Variants in SNX29 observed in about 807,000 individuals in gnomAD.
SNX29 encodes sorting nexin 29.
SNX29 carries 78 observed loss-of-function variants against 102.1 expected under a neutral mutation model. The ratio of observed to expected loss-of-function variants is 0.76; its 90% CI spans 0.64 to 0.92. The LOEUF (loss-of-function observed/expected upper bound fraction) is 0.92. Ranked by LOEUF, SNX29 falls within the 40% of genes least tolerant of loss-of-function variation. The pLI, the probability that SNX29 is intolerant of heterozygous loss-of-function variation, is 0.00. For synonymous variants in SNX29, 580 were observed against 414.5 expected, an observed-to-expected ratio of 1.40 and a Z score of -4.85; for missense variants, 1,280 against 1,061.7, an observed-to-expected ratio of 1.21 and a Z score of -2.86.
At chr16:12,408,156 T>TAAA (rs2084244089) in intron 18 of SNX29, among the ~76,000 whole-genome samples, 1 of 74,518 alleles carries the variant, frequency 1.3e-5, no homozygotes, top group Admixed American at 1.2e-4. Context: ...AGGACCCTTC[T>TAAA]CAAAAAAACA....
chr16:12,534,767 C>T (rs1185205019), intron 20 of SNX29, among the ~76,000 whole-genome samples: 4 of 152,226 alleles, frequency 2.6e-5, no homozygotes, highest in Non-Finnish European at 4.4e-5. Flanking sequence ...CTTTCTGCGT[C>T]TACCCCTCTG....
chr16:12,572,231 C>G lies in SNX29; in HGVS notation c.*3602C>G, dbSNP rs770674364. ...TTAAAAACCAGAGGCTCCTGAAAGT[C>G]GTTTACACCAGGTGGATTGATACCA... is the stretch of plus-strand genomic sequence containing the variant. On this transcript the variant is annotated 3_prime_UTR_variant, in exon 21 of 21. Transcript: ENST00000566228. The G allele has an allele frequency of 1.5e-5, 15 of 1,023,034 alleles. No homozygotes were observed. In the African/African-American group the frequency reaches 1.8e-4, roughly 12 times the overall value. 63.4% of individuals were successfully genotyped at this position (1,023,034 alleles called of 1,614,324 possible).
intron 15 of SNX29, among the ~76,000 whole-genome samples, chr16:12,316,781 T>C (rs1567430947): frequency 6.6e-6 from 1 of 152,178 alleles, no homozygotes; most frequent in African/African-American, 2.4e-5. Flanking sequence ...TGGCTCTTTC[T>C]GCAGCCCTCC....
chr16:12,513,100 T>C (rs2089705548), intron 19 of SNX29, among the ~76,000 whole-genome samples: 1 of 151,898 alleles, frequency 6.6e-6, no homozygotes, highest in African/African-American at 2.4e-5. Flanking sequence ...TGCGTACCCC[T>C]TCCTCAGTTC....
intron 10 of SNX29, 45 bp downstream of exon 10, chr16:12,069,177 A>G: frequency 5.3e-6 from 8 of 1,508,458 alleles, no homozygotes; most frequent in African/African-American, 1.4e-5. Context: ...AAAACATCCT[A>G]TTCACAGCTG....
chr16:12,038,932 G>A (rs958632275), intron 4 of SNX29: 2 of 152,258 alleles, frequency 1.3e-5, no homozygotes, highest in African/African-American at 4.8e-5. Flanking sequence ...AGAATGGAAG[G>A]AAGGCTGTTT....
At chr16:12,500,659 C>G (rs1004622868) in intron 19 of SNX29, among the ~76,000 whole-genome samples, 2 of 152,240 alleles carry the variant, frequency 1.3e-5, no homozygotes, top group Non-Finnish European at 2.9e-5. Flanking sequence ...TATCTTACCA[C>G]TTAAAATGTG....
In SNX29 at chr16:12,043,058, GC is replaced by G. The variant is rs773092123; in HGVS notation, c.411del (p.Asp138ThrfsTer5). On this transcript the variant is annotated frameshift_variant, in exon 5 of 21. Coordinates refer to ENST00000566228, the MANE Select transcript of SNX29 (RefSeq NM_032167.5). LOFTEE classifies it high-confidence loss of function. ...GGAGCGCTACCTGCACATGCTCCTG[GC>G]CGACCGCTGCAGGCTGAGGTACGTG... ...SLERYLHMLL[A>X]DRCRLSTFYE... 6.2e-7 allele frequency: 1 copy of G among 1,613,272 alleles called. No homozygotes were observed. Among genetic ancestry groups the G allele is most frequent in the Non-Finnish European group, 8.5e-7 (1 of 1,179,834 alleles).
intron 18 of SNX29, among the ~76,000 whole-genome samples, chr16:12,458,875 C>T (rs1333674909): frequency 6.6e-6 from 1 of 152,226 alleles, no homozygotes; most frequent in Non-Finnish European, 1.5e-5. Context: ...ATCAGATTCT[C>T]TGTTGGTCTC....
chr16:12,558,574 G>A (rs988308080), intron 20 of SNX29, among the ~76,000 whole-genome samples: 1 of 152,194 alleles, frequency 6.6e-6, no homozygotes, highest in Non-Finnish European at 1.5e-5. Flanking sequence ...GTCCATGGTG[G>A]ATCCATACAC....
intron 14 of SNX29, among the ~76,000 whole-genome samples, chr16:12,232,957 A>C (rs958319794): frequency 1.3e-4 from 20 of 152,228 alleles, no homozygotes; most frequent in African/African-American, 4.8e-4. Context: ...TGTCCTCCCA[A>C]GCCCCAGCCT....
chr16:12,425,480 G>A (rs2085028805), intron 18 of SNX29, among the ~76,000 whole-genome samples: 2 of 141,718 alleles, frequency 1.4e-5, no homozygotes, highest in Admixed American at 1.5e-4. Flanking sequence ...TAATTCCATT[G>A]CACGCTGATT....
intron 19 of SNX29, among the ~76,000 whole-genome samples, chr16:12,509,078 G>T (rs975609098): frequency 6.6e-6 from 1 of 152,180 alleles, no homozygotes; most frequent in African/African-American, 2.4e-5. Context: ...AGACATTTCA[G>T]CCTGTGGCCT....
At chr16:12,512,832 A>G (rs1055848069) in intron 19 of SNX29, among the ~76,000 whole-genome samples, 4 of 152,156 alleles carry the variant, frequency 2.6e-5, no homozygotes, top group South Asian at 2.1e-4. Flanking sequence ...GACTCAATCA[A>G]TGCCTGGGGA....
At position 12,366,040 on chromosome 16, in the gene SNX29, CTCAAAAAAA is replaced by C. The variant is rs1203020297; in HGVS notation, c.1899+9762_1899+9770del. On this transcript the variant is annotated intron_variant, in intron 16 of 20. Transcript: ENST00000566228. ...CTGGGCGTCAGAGTGAGACTCTTGTCTCAAAAAAAAAAAAAAAAAAAAAAAAAAAATCAG... is the reference window on the plus strand; with the variant it reads ...CTGGGCGTCAGAGTGAGACTCTTGTCAAAAAAAAAAAAAAAAAAAAATCAG... 9.7e-3 allele frequency among the ~76,000 whole-genome samples: 235 copies of C among 24,230 alleles called. 2 individuals are homozygous for C. Among genetic ancestry groups the C allele is most frequent in the African/African-American group, 0.021 (221 of 10,770 alleles). 15.9% of individuals were successfully genotyped at this position (24,230 alleles called of 152,430 possible). A position where few individuals can be genotyped will look rare whatever the true frequency, so the allele number is the denominator to read the frequency against.
rs148721720 is a variant in SNX29, at chr16:12,452,423, G to A, written c.2038-25296G>A. Among the ~76,000 whole-genome samples, 43 of 22,980 alleles carry A rather than the reference G, an allele frequency of 1.9e-3. No homozygotes were observed. In the African/African-American group the frequency reaches 0.027, roughly 14 times the overall value. 15.1% of individuals were successfully genotyped at this position (22,980 alleles called of 152,430 possible). On this transcript the variant is annotated intron_variant, in intron 18 of 20. Transcript: ENST00000566228. Reference sequence around the variant, plus strand: ...TCAAATGGTAAGTGCTCTGTGCCAGGGACTGTGCTAAATGCAGAAAGTCAG... The same window carrying A: ...TCAAATGGTAAGTGCTCTGTGCCAGAGACTGTGCTAAATGCAGAAAGTCAG...
chr16:12,206,299 T>G lies in SNX29; in HGVS notation c.1678+6616T>G, dbSNP rs1567310762. 3.3e-5 allele frequency among the ~76,000 whole-genome samples: 5 copies of G among 151,886 alleles called. No homozygotes were observed. The South Asian group carries it at 1.0e-3, about 32-fold the overall frequency. ...GGGCTGCAACAATATCATGGGAAGT[T>G]TTTTCTTTCTTTCTTCAGTTTCTCA... On this transcript the variant is annotated intron_variant, in intron 14 of 20. Coordinates refer to ENST00000566228, the MANE Select transcript of SNX29 (RefSeq NM_032167.5).
chr16:12,365,952 C>T (rs1347134606), intron 16 of SNX29, among the ~76,000 whole-genome samples: 1 of 137,540 alleles, frequency 7.3e-6, no homozygotes. Flanking sequence ...TGAGGCAGGA[C>T]AATGGCATGA....
chr16:12,104,810 T>G (rs1406594072), intron 11 of SNX29, among the ~76,000 whole-genome samples: 1 of 152,228 alleles, frequency 6.6e-6, no homozygotes, highest in African/African-American at 2.4e-5. Context: ...ACCCTTGTCT[T>G]TATTGTTGTG....
Sources: gnomAD v4.1 joint callset for allele counts (sites outside exome capture counted in the v4.1 genomes callset) on GRCh38, gnomAD v4.1.1 for gene constraint, MANE v1.5 for transcripts, NCBI Gene and HGNC (gene_info 2026-07-23, HGNC 2026-07-21) for gene names.